RNF185: variants seen among roughly 807,000 people sequenced by gnomAD.
RNF185 encodes E3 ubiquitin-protein ligase RNF185.
Under a neutral mutation model 24.9 loss-of-function variants are expected in RNF185, and 13 were observed. The observed-to-expected ratio is 0.52, with a 90% CI of 0.34 to 0.83. RNF185 has a LOEUF of 0.83. RNF185 is among the 40% of genes least tolerant of loss of function. RNF185 has a pLI of 0.01. For missense variants in RNF185, 184 were observed against 244.7 expected, an observed-to-expected ratio of 0.75 and a Z score of 1.65; for synonymous variants, 79 against 90.3, an observed-to-expected ratio of 0.88 and a Z score of 0.71.
At chr22:31,162,481 A>G (rs1374193743) in intron 1 of RNF185, among the ~76,000 whole-genome samples, 1 of 152,226 alleles carries the variant, frequency 6.6e-6, no homozygotes, top group Non-Finnish European at 1.5e-5. Flanking sequence ...AGAAAGCCAC[A>G]TACCATTATT....
chr22:31,187,429 G>A (rs1439059913), intron 2 of RNF185, among the ~76,000 whole-genome samples, 159 bp downstream of exon 2: 4 of 152,214 alleles, frequency 2.6e-5, no homozygotes, highest in African/African-American at 9.6e-5. Context: ...TGCTACCAAT[G>A]AGCTGGATGA....
intron 1 of RNF185, among the ~76,000 whole-genome samples, chr22:31,171,095 G>A (rs1051551302): frequency 2.0e-5 from 3 of 152,006 alleles, no homozygotes; most frequent in Non-Finnish European, 2.9e-5. Flanking sequence ...TTTTTTAATA[G>A]TTACATTCTG....
At chr22:31,189,165 T>G (rs147954208) in intron 2 of RNF185, among the ~76,000 whole-genome samples, 860 of 77,150 alleles carry the variant, frequency 0.011, 4 homozygotes, top group African/African-American at 0.034. Flanking sequence ...GTGTGTGTGT[T>G]TGTGTTTGTG....
At chr22:31,199,718 C>T (rs921772913) in intron 5 of RNF185, among the ~76,000 whole-genome samples, 1 of 152,188 alleles carries the variant, frequency 6.6e-6, no homozygotes. Flanking sequence ...CCATTAGATT[C>T]AACCATGAAC....
At position 31,195,535 on chromosome 22, in the gene RNF185, G is replaced by A; in HGVS notation, c.262G>A (p.Val88Ile). Residue 88 changes from valine to isoleucine, a missense_variant, in exon 4 of 7, where the codon GTC becomes ATC. By Grantham distance (29) the Val-to-Ile change is conservative. Coordinates refer to ENST00000326132, the MANE Select transcript of RNF185 (RefSeq NM_152267.4). ...VCKAGISRDK[V>I]IPLYGRGSTG... ...CAAAGCTGGCATCAGCCGAGACAAG[G>A]TCATCCCCCTCTATGGAAGGGGCAG... 1.2e-6 allele frequency: 2 copies of A among 1,611,474 alleles called. No individual in the cohort carries two copies. Among genetic ancestry groups the A allele is most frequent in the African/African-American group, 1.3e-5 (1 of 74,946 alleles).
chr22:31,182,849 G>A (rs1024882214), intron 1 of RNF185: 3 of 151,596 alleles, frequency 2.0e-5, no homozygotes, highest in African/African-American at 7.3e-5. Context: ...CATCTTCATG[G>A]AGTCGTTTAA....
intron 1 of RNF185, among the ~76,000 whole-genome samples, chr22:31,167,610 CTTTT>C (rs150121453): frequency 1.9e-5 from 2 of 107,364 alleles, no homozygotes; most frequent in Middle Eastern, 5.6e-3. Context: ...GGGTTTTTTC[CTTTT>C]TTTTTTTTTT....
chr22:31,175,025 A>G (rs2047967547), intron 1 of RNF185, among the ~76,000 whole-genome samples: 1 of 151,392 alleles, frequency 6.6e-6, no homozygotes, highest in African/African-American at 2.4e-5. Context: ...GTGAGCCGAG[A>G]TCGCGCCGTT....
chr22:31,205,318 TCA>T lies in RNF185; in HGVS notation c.*735_*736del. On this transcript the variant is annotated 3_prime_UTR_variant, in exon 7 of 7. Coordinates refer to ENST00000326132, the MANE Select transcript of RNF185 (RefSeq NM_152267.4). ...TTCCTGGTGAGACATGTGGCTTAAC[TCA>T]CAGGTTTCCCATCAGCTTTCTCCCT... 1 of 169,050 alleles carries T rather than the reference TCA, an allele frequency of 5.9e-6. No homozygotes were observed. The highest frequency in any genetic ancestry group is 1.9e-4 in the East Asian group (1 of 5,194). The allele number at this position is 169,050 out of a possible 1,614,324, so 10.5% of individuals were successfully genotyped here.
rs369514193 is a variant in RNF185, at chr22:31,184,220, G to A, written c.-48-2827G>A. Among the ~76,000 whole-genome samples the A allele has an allele frequency of 8.4e-4, 127 of 150,566 alleles. 1 individual carries two copies. In the East Asian group the frequency reaches 0.021, roughly 25 times the overall value. On this transcript the variant is annotated intron_variant, in intron 1 of 6. Transcript: ENST00000326132. ...TCAGACAGGGTGGCAGGTCAGAGAC[G>A]CTCCTCACCTCCCAGACGGGTGGCG...
rs770779921 is a variant in RNF185, at chr22:31,187,251, C to G, written c.157C>G (p.Leu53Val). The G allele has an allele frequency of 6.2e-7, 1 of 1,614,016 alleles. No individual in the cohort carries two copies. Among genetic ancestry groups the G allele is most frequent in the Admixed American group, 1.7e-5 (1 of 60,006 alleles). Residue 53 changes from leucine to valine, a missense_variant, in exon 2 of 7, where the codon CTG (leucine) becomes GTG (valine). By Grantham distance (32) the Leu-to-Val change is conservative (BLOSUM62 1). Coordinates refer to ENST00000326132, the MANE Select transcript of RNF185 (RefSeq NM_152267.4). ...CACAGCCAAGGATGCCGTCATCAGC[C>G]TGTGTGGCCACCTCTTCTGGTCAGT... ...LDTAKDAVIS[L>V]CGHLFCWPCL...
At chr22:31,187,320 GC>G in intron 2 of RNF185, 50 bp downstream of exon 2, 1 of 1,603,940 alleles carries the variant, frequency 6.2e-7, no homozygotes, top group Non-Finnish European at 8.5e-7. Flanking sequence ...AGTTTGGAAA[GC>G]CTGTGGCCCT....
intron 1 of RNF185, among the ~76,000 whole-genome samples, chr22:31,179,302 A>G (rs1278019719): frequency 1.3e-5 from 2 of 152,162 alleles, no homozygotes; most frequent in South Asian, 2.1e-4. Flanking sequence ...CAGTCCTGGT[A>G]GACCCATATG....
At position 31,206,605 on chromosome 22, in the gene RNF185, AG is replaced by A. The variant is rs2048316748; in HGVS notation, c.*2021del. ...CTCTTCAATGAAATGGAGTGAGCCC[AG>A]GAGAGCTCAGCCAACAGAGGCACTC... On this transcript the variant is annotated 3_prime_UTR_variant, in exon 7 of 7. Coordinates refer to ENST00000326132, the MANE Select transcript of RNF185 (RefSeq NM_152267.4). 6.6e-6 allele frequency: 1 copy of A among 152,310 alleles called. No individual in the cohort carries two copies. Among genetic ancestry groups the A allele is most frequent in the African/African-American group, 2.4e-5 (1 of 41,478 alleles). 9.4% of individuals were successfully genotyped at this position (152,310 alleles called of 1,614,324 possible).
chr22:31,181,341 C>CA (rs1443999776), intron 1 of RNF185, among the ~76,000 whole-genome samples: 30 of 144,904 alleles, frequency 2.1e-4, no homozygotes, highest in Admixed American at 1.6e-3. Context: ...GAGACCATCT[C>CA]AAAAAAAAGA....
In RNF185 at chr22:31,206,486, G is replaced by A. The variant is rs2048315651; in HGVS notation, c.*1900G>A. On this transcript the variant is annotated 3_prime_UTR_variant, in exon 7 of 7. Coordinates refer to ENST00000326132, the MANE Select transcript of RNF185 (RefSeq NM_152267.4). The stretch of plus-strand genomic sequence containing the variant: ...CCTCAGTGCAGTGGCCCCAACTAGT[G>A]GAGGGAGAGAGGACTTAAGTCAGAT... 6.6e-6 allele frequency: 1 copy of A among 152,166 alleles called. No individual in the cohort carries two copies. The highest frequency in any genetic ancestry group is 6.6e-5 in the Admixed American group (1 of 15,266). The allele number at this position is 152,166 out of a possible 1,614,324, so 9.4% of individuals were successfully genotyped here.
chr22:31,190,533 C>A (rs779150731), intron 2 of RNF185, among the ~76,000 whole-genome samples: 1 of 151,750 alleles, frequency 6.6e-6, no homozygotes, highest in East Asian at 1.9e-4. Flanking sequence ...GTGATCCAAC[C>A]GCCTCAGCCT....
Position 31,173,675 on chromosome 22 carries a change from AGT to A in RNF185, c.-48-13371_-48-13370del, listed in dbSNP as rs2047954308. 3.3e-5 allele frequency among the ~76,000 whole-genome samples: 5 copies of A among 152,168 alleles called. 1 individual carries two copies. The South Asian group carries it at 1.0e-3, about 32-fold the overall frequency. On this transcript the variant is annotated intron_variant, in intron 1 of 6. Coordinates refer to ENST00000326132, the MANE Select transcript of RNF185 (RefSeq NM_152267.4). Reference sequence around the variant, plus strand: ...TCCCAAGGGATGCTAATGATGATACAGTAGTGTTTACCTAAAGGCAGGCCATA... The same window carrying A: ...TCCCAAGGGATGCTAATGATGATACAAGTGTTTACCTAAAGGCAGGCCATA...
At chr22:31,173,404 C>CACACACACACAG (rs1301417513) in intron 1 of RNF185, among the ~76,000 whole-genome samples, 28 of 87,904 alleles carry the variant, frequency 3.2e-4, no homozygotes, top group African/African-American at 1.1e-3. Context: ...TCAACTCATT[C>CACACACACACAG]ACACACACAC....
Sources: allele counts gnomAD v4.1 joint callset (sites outside exome capture counted in the v4.1 genomes callset), GRCh38; gene constraint gnomAD v4.1.1; transcripts MANE v1.5; gene names NCBI Gene and HGNC (gene_info 2026-07-23, HGNC 2026-07-21).